NDST3: variants seen among roughly 807,000 people sequenced by gnomAD.
NDST3 encodes the protein N-deacetylase and N-sulfotransferase 3, also known as bifunctional heparan sulfate N-deacetylase/N-sulfotransferase 3.
In NDST3, 58 loss-of-function variants were observed where a neutral mutation model predicts 96.1. The observed-to-expected ratio is 0.60, with a 90% confidence interval of 0.49 to 0.75. NDST3 has a LOEUF of 0.75. Ranked by LOEUF, NDST3 falls within the 30% of genes least tolerant of loss-of-function variation. The pLI, the probability that NDST3 is intolerant of heterozygous loss-of-function variation, is 0.00. For synonymous variants in NDST3, 333 were observed against 359.7 expected (o/e 0.93, Z 0.84); for missense variants, 788 against 1,034.2 (o/e 0.76, Z 3.27).
chr4:118,205,911 C>A (rs1738411130), intron 6 of NDST3, among the ~76,000 whole-genome samples: 1 of 139,076 alleles, frequency 7.2e-6, no homozygotes, highest in African/African-American at 2.7e-5. Flanking sequence ...CGGCTCACTG[C>A]AAGCTCCGCC....
chr4:118,167,653 T>C (rs1391631559), intron 6 of NDST3, among the ~76,000 whole-genome samples: 1 of 151,998 alleles, frequency 6.6e-6, no homozygotes, highest in Non-Finnish European at 1.5e-5. Flanking sequence ...CTTCCTGATT[T>C]GAAAATATAT....
chr4:118,042,198 CCT>C (rs1333084224), intron 1 of NDST3, among the ~76,000 whole-genome samples: 1 of 152,124 alleles, frequency 6.6e-6, no homozygotes, highest in Non-Finnish European at 1.5e-5. Context: ...GCCAATTTCC[CCT>C]CTTAGTTTTA....
intron 3 of NDST3, among the ~76,000 whole-genome samples, chr4:118,107,100 T>TC (rs1730259978): frequency 1.4e-5 from 1 of 72,588 alleles, no homozygotes; most frequent in African/African-American, 3.0e-5. Flanking sequence ...AAAATAATAA[T>TC]AATAATAATA....
chr4:118,155,052 G>A (rs1369525252), intron 6 of NDST3, among the ~76,000 whole-genome samples: 1 of 152,146 alleles, frequency 6.6e-6, no homozygotes, highest in African/African-American at 2.4e-5. Flanking sequence ...AAAGAACTAT[G>A]TTCTCTTTAT....
At chr4:118,179,692 G>A (rs892489952) in intron 6 of NDST3, among the ~76,000 whole-genome samples, 13 of 151,704 alleles carry the variant, frequency 8.6e-5, no homozygotes, top group Non-Finnish European at 1.9e-4. Context: ...TTTTTCCTGT[G>A]CCCATCCCTA....
intron 6 of NDST3, among the ~76,000 whole-genome samples, chr4:118,172,449 C>T (rs1257895470): frequency 6.6e-6 from 1 of 152,022 alleles, no homozygotes; most frequent in African/African-American, 2.4e-5. Context: ...ATCATATTCA[C>T]TTTATAGATG....
At chr4:118,194,443 A>G (rs1737530243) in intron 6 of NDST3, 2 of 734,260 alleles carry the variant, frequency 2.7e-6, no homozygotes, top group East Asian at 5.1e-5. Flanking sequence ...TGCAGGTGAT[A>G]TGGCACACCT....
At chr4:118,145,467 T>G in intron 6 of NDST3, among the ~76,000 whole-genome samples, 1 of 152,232 alleles carries the variant, frequency 6.6e-6, no homozygotes, top group East Asian at 1.9e-4. Context: ...AAATTCAAAG[T>G]TAAATCATTC....
chr4:118,175,726 TC>T (rs1346039691), intron 6 of NDST3, among the ~76,000 whole-genome samples: 2 of 152,126 alleles, frequency 1.3e-5, no homozygotes, highest in Non-Finnish European at 2.9e-5. Context: ...CTCTGCCTGT[TC>T]CTGAGGGCAT....
At chr4:118,113,900 C>T (rs528809483) in intron 3 of NDST3, among the ~76,000 whole-genome samples, 1 of 152,118 alleles carries the variant, frequency 6.6e-6, no homozygotes, top group East Asian at 1.9e-4. Context: ...TTATACTGCT[C>T]TTATTTTATG....
intron 2 of NDST3, among the ~76,000 whole-genome samples, chr4:118,091,434 A>G (rs1000980872): frequency 6.6e-6 from 1 of 151,816 alleles, no homozygotes; most frequent in African/African-American, 2.4e-5. Context: ...TCTCAGGAGT[A>G]TGAGGGATAG....
chr4:118,123,752 G>A (rs928711294), intron 4 of NDST3, among the ~76,000 whole-genome samples: 1 of 151,928 alleles, frequency 6.6e-6, no homozygotes, highest in Non-Finnish European at 1.5e-5. Context: ...AATTCTGGAG[G>A]GAACTCTAAG....
At chr4:118,155,110 AT>A in intron 6 of NDST3, among the ~76,000 whole-genome samples, 1 of 152,332 alleles carries the variant, frequency 6.6e-6, no homozygotes, top group South Asian at 2.1e-4. Flanking sequence ...AGACTTTTAA[AT>A]TTATAAAGCC....
intron 3 of NDST3, among the ~76,000 whole-genome samples, chr4:118,110,652 TA>T (rs1372276970): frequency 6.6e-6 from 1 of 152,056 alleles, no homozygotes; most frequent in Non-Finnish European, 1.5e-5. Flanking sequence ...ATAAATATAT[TA>T]AAAAATAAAT....
rs2125969410 is a variant in NDST3, at chr4:118,194,086, C to G, written c.1540-30405C>G. 2.1e-6 allele frequency: 3 copies of G among 1,418,168 alleles called. No homozygotes were observed. In the East Asian group the frequency reaches 6.9e-5, roughly 32 times the overall value. 87.8% of individuals were successfully genotyped at this position (1,418,168 alleles called of 1,614,324 possible). A position where few individuals can be genotyped will look rare whatever the true frequency, so the allele number is the denominator to read the frequency against. ...CATTTGGTGGGATTTGGAACTTTTC[C>G]TTCCTAACACTGCCAAAAGCATAGC... On this transcript the variant is annotated intron_variant, in intron 6 of 13. Transcript: ENST00000296499.
At chr4:118,214,098 C>T (rs1396399584) in intron 6 of NDST3, among the ~76,000 whole-genome samples, 2 of 152,020 alleles carry the variant, frequency 1.3e-5, no homozygotes, top group African/African-American at 2.4e-5. Context: ...GAAGTAGTCA[C>T]CTCAAACTGG....
At chr4:118,119,782 C>G (rs1040194358) in intron 4 of NDST3, among the ~76,000 whole-genome samples, 1 of 152,160 alleles carries the variant, frequency 6.6e-6, no homozygotes, top group African/African-American at 2.4e-5. Flanking sequence ...GCTACCACAT[C>G]AGATTCTTCC....
At chr4:118,049,050 A>G (rs1446491302) in intron 1 of NDST3, among the ~76,000 whole-genome samples, 2 of 152,266 alleles carry the variant, frequency 1.3e-5, no homozygotes, top group Non-Finnish European at 2.9e-5. Context: ...TGCAATTTAA[A>G]AAATCAATAT....
At chr4:118,140,303 C>A (rs1452690256) in intron 5 of NDST3, among the ~76,000 whole-genome samples, 1 of 152,116 alleles carries the variant, frequency 6.6e-6, no homozygotes, top group African/African-American at 2.4e-5. Flanking sequence ...AACTCAATAC[C>A]TAACTCATAC....
Sources: gnomAD v4.1 joint callset for allele counts (sites outside exome capture counted in the v4.1 genomes callset) on GRCh38, gnomAD v4.1.1 for gene constraint, MANE v1.5 for transcripts, NCBI Gene and HGNC (gene_info 2026-07-23, HGNC 2026-07-21) for gene names.